The following SPRING1 variants were observed in gnomAD, a reference collection of about 807,000 sequenced individuals.
SPRING1 encodes the protein SREBP regulating gene protein.
Under a neutral mutation model 24.7 loss-of-function variants are expected in SPRING1, and 14 were observed. That is an observed-to-expected ratio of 0.57 (90% CI 0.37 to 0.88). The LOEUF (loss-of-function observed/expected upper bound fraction) is 0.88. Ranked by LOEUF, SPRING1 falls within the 40% of genes least tolerant of loss-of-function variation. SPRING1 has a pLI of 0.00. For synonymous variants in SPRING1, 93 were observed against 106.1 expected, an observed-to-expected ratio of 0.88 and a Z score of 0.76; for missense variants, 255 against 268.4, an observed-to-expected ratio of 0.95 and a Z score of 0.35.
At chr12:116,731,741 C>A (rs534829346) in intron 1 of SPRING1, among the ~76,000 whole-genome samples, 5 of 152,186 alleles carry the variant, frequency 3.3e-5, no homozygotes, top group Admixed American at 3.3e-4. Flanking sequence ...CAGAGCAAGA[C>A]CCTGTACCAA....
At chr12:116,737,759 G>C (rs1232187957) in intron 1 of SPRING1, 31 bp downstream of exon 1, 2 of 1,515,372 alleles carry the variant, frequency 1.3e-6, no homozygotes, top group African/African-American at 2.9e-5. Flanking sequence ...AGGAAGAAGG[G>C]AAGGGGAGGA....
chr12:116,733,081 T>G lies in SPRING1; in HGVS notation c.111+4709A>C, dbSNP rs368194460. Among the ~76,000 whole-genome samples the G allele has an allele frequency of 2.0e-4, 31 of 152,286 alleles. No individual in the cohort carries two copies. The East Asian group carries it at 2.7e-3, about 13-fold the overall frequency. On this transcript the variant is annotated intron_variant, in intron 1 of 4. Transcript: ENST00000261318. ...CTGTAAGGTTATCTGAAAAAAGCGT[T>G]TTAAGTGTTACTGAAGGACACAGAA...
At chr12:116,722,457 A>G (rs1426313868) in intron 2 of SPRING1, among the ~76,000 whole-genome samples, 2 of 152,192 alleles carry the variant, frequency 1.3e-5, no homozygotes, top group East Asian at 3.9e-4. Flanking sequence ...CTCCAAGTCA[A>G]TGTCTGCCCA....
At position 116,720,506 on chromosome 12, in the gene SPRING1, G is replaced by T. The variant is rs917877489; in HGVS notation, c.269-59C>A. On this transcript the variant is annotated intron_variant, in intron 2 of 4. Coordinates refer to ENST00000261318, the MANE Select transcript of SPRING1 (RefSeq NM_024738.4). The surrounding 1 kb of genome is among the most constrained non-coding windows in gnomAD (Gnocchi z 4.0). ...AGCAGCCTTGCCACCTCCCTACCAGGGATGACCATGAAGCAGCAGTGAAAG... is the reference window on the plus strand; with the variant it reads ...AGCAGCCTTGCCACCTCCCTACCAGTGATGACCATGAAGCAGCAGTGAAAG... 2 of 1,590,722 alleles carry T rather than the reference G, an allele frequency of 1.3e-6. No homozygotes were observed. The highest frequency in any genetic ancestry group is 1.7e-6 in the Non-Finnish European group (2 of 1,167,278).
rs1870825640 is a variant in SPRING1 at position 116,728,715 on chromosome 12, A to AC, written c.112-5493dup. Among the ~76,000 whole-genome samples, 1 of 152,098 alleles carries AC rather than the reference A, an allele frequency of 6.6e-6. No individual in the cohort carries two copies. On this transcript the variant is annotated intron_variant, in intron 1 of 4. Coordinates refer to ENST00000261318, the MANE Select transcript of SPRING1 (RefSeq NM_024738.4). This position sits in a 1 kb window ranked among gnomAD's most constrained non-coding sequence, Gnocchi z 4.2. ...TCTCCATCAACGGTACACACCCTGG[A>AC]CCCGTACACTCCATCTCACCATCTC...
At chr12:116,729,123 T>G (rs79750270) in intron 1 of SPRING1, among the ~76,000 whole-genome samples, 1 of 152,148 alleles carries the variant, frequency 6.6e-6, no homozygotes. Context: ...GCAATGTTTT[T>G]ATATTTCTGC....
At chr12:116,723,359 G>A (rs552286838) in intron 1 of SPRING1, 136 bp from the exon 2 acceptor site, 2 of 1,038,016 alleles carry the variant, frequency 1.9e-6, no homozygotes, top group East Asian at 2.6e-5. Flanking sequence ...GCCCTCTCCT[G>A]GTACAAGCAA....
At chr12:116,733,167 G>A (rs1001649195) in intron 1 of SPRING1, among the ~76,000 whole-genome samples, 1 of 152,060 alleles carries the variant, frequency 6.6e-6, no homozygotes, top group Non-Finnish European at 1.5e-5. Context: ...TGAAGGCCTA[G>A]GCTAACGTGT....
rs1870188309 is a variant in SPRING1, at chr12:116,717,322, A to T, written c.*488T>A. The T allele has an allele frequency of 6.6e-6, 1 of 152,504 alleles. No homozygotes were observed. The highest frequency in any genetic ancestry group is 6.5e-5 in the Admixed American group (1 of 15,294). The allele number at this position is 152,504 out of a possible 1,614,324, so 9.4% of individuals were successfully genotyped here. A position where few individuals can be genotyped will look rare whatever the true frequency, so the allele number is the denominator to read the frequency against. ...TAACTCCTGAAACTCGAGAACACAG[A>T]ACAACAACAAAAATAATTTCCTTGA... On this transcript the variant is annotated 3_prime_UTR_variant, in exon 5 of 5. Transcript: ENST00000261318. The surrounding 1 kb of genome is among the most constrained non-coding windows in gnomAD (Gnocchi z 4.2).
chr12:116,733,644 T>TA (rs1337719613), intron 1 of SPRING1, among the ~76,000 whole-genome samples: 3 of 152,124 alleles, frequency 2.0e-5, no homozygotes, highest in East Asian at 1.9e-4. Flanking sequence ...GCCAAAAAGT[T>TA]AAAAAAATTA....
chr12:116,736,619 C>T (rs914299075), intron 1 of SPRING1, among the ~76,000 whole-genome samples: 2 of 152,118 alleles, frequency 1.3e-5, no homozygotes, highest in Non-Finnish European at 2.9e-5. Flanking sequence ...AAAAGGAGAG[C>T]TTTTTATAAC....
chr12:116,733,865 G>A (rs1173758642), intron 1 of SPRING1, among the ~76,000 whole-genome samples: 1 of 151,928 alleles, frequency 6.6e-6, no homozygotes, highest in Non-Finnish European at 1.5e-5. Flanking sequence ...TGTTCTTTAT[G>A]GGCGTACCAT....
chr12:116,735,516 G>C (rs915686641), intron 1 of SPRING1, among the ~76,000 whole-genome samples: 3 of 151,944 alleles, frequency 2.0e-5, no homozygotes, highest in South Asian at 2.1e-4. Flanking sequence ...TGGATCACTT[G>C]AGGTCAGGAG....
intron 1 of SPRING1, among the ~76,000 whole-genome samples, chr12:116,731,176 A>G (rs1870957870): frequency 6.6e-6 from 1 of 152,260 alleles, no homozygotes; most frequent in Non-Finnish European, 1.5e-5. Context: ...CTTAAGTGAA[A>G]TTAGTACTTT....
chr12:116,725,359 T>C (rs937836502), intron 1 of SPRING1, among the ~76,000 whole-genome samples: 1 of 152,128 alleles, frequency 6.6e-6, no homozygotes, highest in African/African-American at 2.4e-5. Flanking sequence ...ACAGTATGGA[T>C]AGGGTTTGGT....
rs1005662139 is a variant in SPRING1 at position 116,738,050 on chromosome 12, T to C, written c.-150A>G. On this transcript the variant is annotated 5_prime_UTR_variant, in exon 1 of 5. Coordinates refer to ENST00000261318, the MANE Select transcript of SPRING1 (RefSeq NM_024738.4). ...CAGCCCAGTCTGCTCCCGGCAGCCTTGGGCGCAGCCCCACGTGACCCCGCC... is the reference window on the plus strand; with the variant it reads ...CAGCCCAGTCTGCTCCCGGCAGCCTCGGGCGCAGCCCCACGTGACCCCGCC... 8.6e-5 allele frequency: 94 copies of C among 1,089,408 alleles called. No individual in the cohort carries two copies. Among genetic ancestry groups the C allele is most frequent in the Non-Finnish European group, 9.7e-5 (87 of 898,566 alleles). 67.5% of individuals were successfully genotyped at this position (1,089,408 alleles called of 1,614,324 possible).
chr12:116,735,942 G>A (rs1355195827), intron 1 of SPRING1, among the ~76,000 whole-genome samples: 1 of 150,030 alleles, frequency 6.7e-6, no homozygotes, highest in Admixed American at 6.7e-5. Context: ...CAAGAAGGCT[G>A]AGGCAGGAGA....
At position 116,715,014 on chromosome 12, in the gene SPRING1, C is replaced by T. The variant is rs907004642; in HGVS notation, c.*2796G>A. 1.3e-5 allele frequency: 2 copies of T among 151,940 alleles called. No individual in the cohort carries two copies. The highest frequency in any genetic ancestry group is 2.1e-4 in the South Asian group (1 of 4,824). The allele number at this position is 151,940 out of a possible 1,614,324, so 9.4% of individuals were successfully genotyped here. ...AACGTATGACTCAATTCCCTTGAGC[C>T]GAAAACACTCACTTATTAACAATAT... On this transcript the variant is annotated 3_prime_UTR_variant, in exon 5 of 5. Coordinates refer to ENST00000261318, the MANE Select transcript of SPRING1 (RefSeq NM_024738.4).
At chr12:116,727,277 C>G (rs1164501335) in intron 1 of SPRING1, among the ~76,000 whole-genome samples, 3 of 152,216 alleles carry the variant, frequency 2.0e-5, no homozygotes, top group Non-Finnish European at 4.4e-5. Flanking sequence ...AGGGGTACCT[C>G]CATATATCAG....
Sources: allele counts gnomAD v4.1 joint callset (sites outside exome capture counted in the v4.1 genomes callset), GRCh38; gene constraint gnomAD v4.1.1; non-coding constraint Gnocchi (gnomAD v3.1); transcripts MANE v1.5; gene names NCBI Gene and HGNC (gene_info 2026-07-23, HGNC 2026-07-21).